NRXN1: variants seen among roughly 807,000 people sequenced by gnomAD.
NRXN1 encodes neurexin 1.
A neutral mutation model predicts 150.9 loss-of-function variants in NRXN1; 39 were observed. That is an observed-to-expected ratio of 0.26 (90% CI 0.20 to 0.34). The LOEUF is 0.34. Ranked by LOEUF, NRXN1 falls within the 10% of genes least tolerant of loss-of-function variation. The pLI, the probability that NRXN1 is intolerant of heterozygous loss-of-function variation, is 1.00. For missense variants in NRXN1, 1,815 were observed against 1,949.9 expected (o/e 0.93, Z 1.30); for synonymous variants, 924 against 757.0 (o/e 1.22, Z -3.62).
At chr2:50,514,217 A>AT (rs1031286144) in intron 12 of NRXN1, among the ~76,000 whole-genome samples, 4 of 152,168 alleles carry the variant, frequency 2.6e-5, no homozygotes, top group African/African-American at 9.7e-5. Flanking sequence ...ACAGGCAGGA[A>AT]TTTTTTAAAA....
intron 17 of NRXN1, among the ~76,000 whole-genome samples, chr2:50,430,371 AC>A (rs1031760652): frequency 4.6e-5 from 7 of 152,206 alleles, no homozygotes; most frequent in Non-Finnish European, 1.0e-4. Context: ...GTATACCAAC[AC>A]TATCCAATAG....
At chr2:50,791,044 C>T (rs1705870841) in intron 5 of NRXN1, among the ~76,000 whole-genome samples, 2 of 147,874 alleles carry the variant, frequency 1.4e-5, no homozygotes, top group Admixed American at 1.4e-4. Context: ...AGAAGAAAAT[C>T]TCAACAGATG....
intron 17 of NRXN1, among the ~76,000 whole-genome samples, chr2:50,390,969 T>C (rs1419270733): frequency 6.6e-6 from 1 of 152,182 alleles, no homozygotes; most frequent in Admixed American, 6.6e-5. Flanking sequence ...GCAGGAATTT[T>C]AAGAATAAAC....
chr2:50,204,161 T>C (rs2062393926), intron 18 of NRXN1, among the ~76,000 whole-genome samples: 1 of 152,096 alleles, frequency 6.6e-6, no homozygotes, highest in Non-Finnish European at 1.5e-5. Flanking sequence ...GCAGAGGCTA[T>C]AAAGTAAAAA....
intron 5 of NRXN1, among the ~76,000 whole-genome samples, chr2:50,698,025 C>G (rs2104937467): frequency 6.6e-6 from 1 of 152,326 alleles, no homozygotes; most frequent in Non-Finnish European, 1.5e-5. Context: ...TAATACCAGT[C>G]TAATTTTCTT....
intron 5 of NRXN1, among the ~76,000 whole-genome samples, chr2:50,854,515 A>C (rs1253477576): frequency 6.6e-6 from 1 of 152,144 alleles, no homozygotes; most frequent in African/African-American, 2.4e-5. Flanking sequence ...TTTAAGCTGC[A>C]CTGTCTTACA....
At chr2:50,377,081 C>T (rs1279560404) in intron 17 of NRXN1, among the ~76,000 whole-genome samples, 2 of 151,740 alleles carry the variant, frequency 1.3e-5, no homozygotes, top group Admixed American at 6.6e-5. Flanking sequence ...ATCTTTCTCC[C>T]ATTTTTTTCT....
intron 2 of NRXN1, among the ~76,000 whole-genome samples, chr2:51,021,432 A>G (rs1290933052): frequency 2.0e-5 from 3 of 152,006 alleles, no homozygotes; most frequent in Non-Finnish European, 4.4e-5. Flanking sequence ...GCTAAGAATG[A>G]CAGAAATATT....
chr2:50,882,807 C>T (rs1377876499), intron 5 of NRXN1, among the ~76,000 whole-genome samples: 1 of 151,672 alleles, frequency 6.6e-6, no homozygotes, highest in Non-Finnish European at 1.5e-5. Context: ...CAATGAGTGA[C>T]CATAATCATA....
At chr2:50,170,988 A>T (rs2059997387) in intron 18 of NRXN1, among the ~76,000 whole-genome samples, 1 of 152,220 alleles carries the variant, frequency 6.6e-6, no homozygotes, top group South Asian at 2.1e-4. Flanking sequence ...TATATACTGC[A>T]TTCTTACAAT....
chr2:50,727,517 A>T, intron 5 of NRXN1, among the ~76,000 whole-genome samples: 1 of 152,230 alleles, frequency 6.6e-6, no homozygotes, highest in East Asian at 1.9e-4. Flanking sequence ...TTCTGCCAAA[A>T]ACTATCAAAA....
intron 13 of NRXN1, among the ~76,000 whole-genome samples, chr2:50,502,658 T>TGAAA (rs2092009701): frequency 1.3e-5 from 2 of 152,092 alleles, no homozygotes; most frequent in African/African-American, 4.8e-5. Context: ...TGAAAACATA[T>TGAAA]GAAAGTATGG....
intron 5 of NRXN1, among the ~76,000 whole-genome samples, chr2:50,703,841 G>C (rs1411092414): frequency 6.6e-6 from 1 of 152,008 alleles, no homozygotes; most frequent in Admixed American, 6.6e-5. Context: ...TTCCAGGTTA[G>C]AAAATTGAAA....
chr2:50,491,480 C>A (rs113773798), intron 15 of NRXN1, among the ~76,000 whole-genome samples: 5,720 of 152,124 alleles, frequency 0.038, 348 homozygotes, highest in African/African-American at 0.13. Flanking sequence ...CAGTTGCCTT[C>A]AGGGTGAGAT....
intron 18 of NRXN1, among the ~76,000 whole-genome samples, chr2:50,204,425 C>T (rs2062418226): frequency 6.6e-6 from 1 of 151,294 alleles, no homozygotes; most frequent in African/African-American, 2.4e-5. Flanking sequence ...CAAAATGCTA[C>T]CTTCCAATTC....
chr2:50,383,246 G>C (rs905820127), intron 17 of NRXN1, among the ~76,000 whole-genome samples: 1 of 152,046 alleles, frequency 6.6e-6, no homozygotes, highest in Non-Finnish European at 1.5e-5. Context: ...ATTCAGTATT[G>C]AATTGACCTA....
intron 2 of NRXN1, among the ~76,000 whole-genome samples, chr2:50,974,881 T>C (rs777931948): frequency 2.6e-5 from 4 of 152,090 alleles, no homozygotes; most frequent in Non-Finnish European, 5.9e-5. Context: ...CCTTACTATA[T>C]AAAATGTACT....
chr2:50,533,075 T>G (rs531641583), intron 10 of NRXN1, among the ~76,000 whole-genome samples: 1 of 152,256 alleles, frequency 6.6e-6, no homozygotes, highest in Admixed American at 6.5e-5. Flanking sequence ...TCAAGTACTG[T>G]TTCTATAAGA....
intron 5 of NRXN1, among the ~76,000 whole-genome samples, chr2:50,730,286 G>A (rs761211096): frequency 2.2e-4 from 34 of 151,786 alleles, no homozygotes; most frequent in Non-Finnish European, 4.9e-4. Flanking sequence ...TCCTATTGTC[G>A]GCCTGACTGG....
Sources: allele counts gnomAD v4.1 joint callset (sites outside exome capture counted in the v4.1 genomes callset), GRCh38; gene constraint gnomAD v4.1.1; transcripts MANE v1.5; gene names NCBI Gene and HGNC (gene_info 2026-07-23, HGNC 2026-07-21).